The following RUFY2 variants were observed in gnomAD, a reference collection of about 807,000 sequenced individuals.
RUFY2 encodes the protein RUN and FYVE domain containing 2, also known as RUN and FYVE domain-containing protein 2.
A neutral mutation model predicts 94.4 loss-of-function variants in RUFY2; 49 were observed. The observed-to-expected ratio is 0.52, with a 90% CI of 0.41 to 0.66. The LOEUF is 0.66. RUFY2 is among the 30% of genes least tolerant of loss of function. The pLI is 0.00. For synonymous variants in RUFY2, 255 were observed against 235.7 expected (o/e 1.08, Z -0.75); for missense variants, 541 against 692.8 (o/e 0.78, Z 2.46).
chr10:68,348,262 T>C (rs1028252767), intron 16 of RUFY2, among the ~76,000 whole-genome samples: 3 of 151,674 alleles, frequency 2.0e-5, no homozygotes, highest in African/African-American at 7.3e-5. Context: ...TTTTGAGACT[T>C]TGAGAGGCCA....
At chr10:68,363,533 T>A in intron 15 of RUFY2, 57 bp downstream of exon 15, 1 of 1,170,784 alleles carries the variant, frequency 8.5e-7, no homozygotes, top group Non-Finnish European at 1.2e-6. Flanking sequence ...TTTGGCACAC[T>A]TATACCTTTT....
intron 6 of RUFY2, among the ~76,000 whole-genome samples, chr10:68,393,469 T>C (rs1041355066): frequency 1.3e-5 from 2 of 152,186 alleles, no homozygotes; most frequent in African/African-American, 4.8e-5. Flanking sequence ...GGCTCATTCC[T>C]GTAATCCCAG....
intron 16 of RUFY2, among the ~76,000 whole-genome samples, chr10:68,353,312 C>A (rs1441545353): frequency 1.4e-5 from 2 of 140,566 alleles, no homozygotes; most frequent in Non-Finnish European, 3.0e-5. Flanking sequence ...GCCTGGGTAA[C>A]AGAGCGAGAC....
At chr10:68,391,418 G>T (rs1437444275) in intron 7 of RUFY2, among the ~76,000 whole-genome samples, 1 of 151,998 alleles carries the variant, frequency 6.6e-6, no homozygotes. Context: ...GGAGCCTGAG[G>T]TGGGAGGATT....
chr10:68,378,227 G>A, intron 12 of RUFY2: 1 of 1,014,102 alleles, frequency 9.9e-7, no homozygotes, highest in Non-Finnish European at 1.2e-6. Flanking sequence ...TGCCAACACA[G>A]TATAAAACTG....
chr10:68,373,877 G>A (rs2048436481), intron 13 of RUFY2, among the ~76,000 whole-genome samples: 1 of 152,096 alleles, frequency 6.6e-6, no homozygotes, highest in African/African-American at 2.4e-5. Flanking sequence ...GGCCAAGGTG[G>A]GAGGATCACT....
In RUFY2 at chr10:68,354,849, CTTT is replaced by C. The variant is rs11314109; in HGVS notation, c.1599+501_1599+503del. 3.1e-4 allele frequency among the ~76,000 whole-genome samples: 44 copies of C among 140,056 alleles called. 1 individual carries two copies. Among genetic ancestry groups the C allele is most frequent in the East Asian group, 2.1e-4 (1 of 4,818 alleles). 91.9% of individuals were successfully genotyped at this position (140,056 alleles called of 152,430 possible). On this transcript the variant is annotated intron_variant, in intron 16 of 17. Transcript: ENST00000602465. ...ACAAAATTATTTCTAAGGTCAGTTT[CTTT>C]TTTTTTTTTTTTGAGAAAGAGTCTC...
At chr10:68,352,646 G>A (rs1243572060) in intron 16 of RUFY2, among the ~76,000 whole-genome samples, 3 of 152,064 alleles carry the variant, frequency 2.0e-5, no homozygotes, top group Non-Finnish European at 1.5e-5. Flanking sequence ...AAAAGAGAGG[G>A]GTGGCTGGGC....
chr10:68,363,607 G>A lies in RUFY2; in HGVS notation c.1533C>T (p.Leu511=), dbSNP rs1005437457. 12 of 1,600,988 alleles carry A rather than the reference G, an allele frequency of 7.5e-6. No individual in the cohort carries two copies. Among genetic ancestry groups the A allele is most frequent in the Middle Eastern group, 3.7e-4 (2 of 5,454 alleles). The change falls in exon 15 of 18, where the codon CTC becomes CTT. Residue 511 remains leucine, a synonymous_variant. Transcript: ENST00000602465. ...GAAATTACTCGCTAAGCTTGTTGCC[G>A]AGTTCTTGAAGAGCTTGCTCTTGTT... ...YHEQEQALQE[L]GNKLSESKLK... is the part of the protein sequence containing the mutation.
intron 13 of RUFY2, among the ~76,000 whole-genome samples, chr10:68,374,251 C>T (rs1033328064): frequency 6.6e-6 from 1 of 151,396 alleles, no homozygotes; most frequent in African/African-American, 2.4e-5. Flanking sequence ...GCCTGGGCAG[C>T]ATAGCAAGAC....
intron 11 of RUFY2, among the ~76,000 whole-genome samples, chr10:68,379,874 C>T (rs1314081950): frequency 6.6e-6 from 1 of 150,678 alleles, no homozygotes; most frequent in Non-Finnish European, 1.5e-5. Context: ...GTGGCACCAT[C>T]TCGCCTCACT....
chr10:68,341,162 C>G, downstream of RUFY2: 3 of 1,516,740 alleles, frequency 2.0e-6, no homozygotes, highest in Non-Finnish European at 2.7e-6. Context: ...ATAAGTGTTT[C>G]CTTTTATTTA....
At chr10:68,359,103 G>A (rs1203288027) in intron 15 of RUFY2, among the ~76,000 whole-genome samples, 1 of 151,926 alleles carries the variant, frequency 6.6e-6, no homozygotes, top group African/African-American at 2.4e-5. Flanking sequence ...TCTCAGCCAG[G>A]CACAGTGGCT....
intron 7 of RUFY2, among the ~76,000 whole-genome samples, chr10:68,390,152 CA>C (rs2049867051): frequency 6.6e-6 from 1 of 152,024 alleles, no homozygotes; most frequent in Non-Finnish European, 1.5e-5. Context: ...ATACAAATTA[CA>C]AAATATACAT....
At chr10:68,356,937 A>T (rs2047093627) in intron 15 of RUFY2, among the ~76,000 whole-genome samples, 1 of 150,610 alleles carries the variant, frequency 6.6e-6, no homozygotes. Flanking sequence ...AGGTGAGCAG[A>T]CCGCCTGAGG....
chr10:68,401,618 A>C lies in RUFY2; in HGVS notation c.296+2T>G. ...GGATGAACAAGTAATAGGCCTCCTT[A>C]CTTCAGACCAGGTAGATCCCGGACA... On this transcript the variant is annotated splice_donor_variant, in intron 3 of 17. Coordinates refer to ENST00000602465, the MANE Select transcript of RUFY2 (RefSeq NM_001330103.2). LOFTEE classifies it high-confidence loss of function. 1 of 1,588,836 alleles carries C rather than the reference A, an allele frequency of 6.3e-7. No homozygotes were observed. Among genetic ancestry groups the C allele is most frequent in the Non-Finnish European group, 8.6e-7 (1 of 1,156,982 alleles).
rs142510960 is a variant in RUFY2, at chr10:68,388,455, C to T, written c.651-2327G>A. On this transcript the variant is annotated intron_variant, in intron 7 of 17. Coordinates refer to ENST00000602465, the MANE Select transcript of RUFY2 (RefSeq NM_001330103.2). Reference sequence around the variant, plus strand: ...TCCAGCCTGGGCGACAAGACTAAGACTCCATAAAAAAGTGAATTCTACTTT... The same window carrying T: ...TCCAGCCTGGGCGACAAGACTAAGATTCCATAAAAAAGTGAATTCTACTTT... Among the ~76,000 whole-genome samples, 130 of 151,994 alleles carry T rather than the reference C, an allele frequency of 8.6e-4. 4 individuals carry two copies. In the East Asian group the frequency reaches 0.02, roughly 23 times the overall value.
intron 7 of RUFY2, among the ~76,000 whole-genome samples, chr10:68,387,305 C>A (rs1247727268): frequency 1.3e-5 from 2 of 151,856 alleles, no homozygotes; most frequent in Non-Finnish European, 2.9e-5. Context: ...TGCAGTGAGC[C>A]GAGATTGCGC....
intron 5 of RUFY2, 71 bp downstream of exon 5, chr10:68,394,257 T>C: frequency 6.2e-7 from 1 of 1,606,272 alleles, no homozygotes; most frequent in Non-Finnish European, 8.5e-7. Flanking sequence ...CAACTTCAAA[T>C]GACACCTGAT....
Sources: gnomAD v4.1 joint callset for allele counts (sites outside exome capture counted in the v4.1 genomes callset) on GRCh38, gnomAD v4.1.1 for gene constraint, MANE v1.5 for transcripts, NCBI Gene and HGNC (gene_info 2026-07-23, HGNC 2026-07-21) for gene names.